GARRE1: variants seen among roughly 807,000 people sequenced by gnomAD.
GARRE1 encodes the protein granule associated Rac and RHOG effector 1, also known as granule associated Rac and RHOG effector protein 1.
GARRE1 carries 49 observed loss-of-function variants against 103.2 expected under a neutral mutation model. That is an observed-to-expected ratio of 0.47 (90% CI 0.38 to 0.60). The LOEUF (loss-of-function observed/expected upper bound fraction) is 0.60, where lower values mean the gene tolerates loss of function less well. Among genes scored for constraint, GARRE1 ranks in the 20% least tolerant of loss-of-function variants. The pLI, the probability that GARRE1 is intolerant of heterozygous loss-of-function variation, is 0.00. For synonymous variants in GARRE1, 505 were observed against 532.8 expected (o/e 0.95, Z 0.72); for missense variants, 1,199 against 1,370.5 (o/e 0.87, Z 1.98).
chr19:34,297,346 A>T (rs190885224), intron 1 of GARRE1, among the ~76,000 whole-genome samples: 1 of 152,340 alleles, frequency 6.6e-6, no homozygotes, highest in African/African-American at 2.4e-5. Flanking sequence ...TTGGTGAAAT[A>T]GTATAACTTT....
chr19:34,284,242 A>C (rs2073873427), intron 1 of GARRE1, among the ~76,000 whole-genome samples: 1 of 147,552 alleles, frequency 6.8e-6, no homozygotes, highest in Non-Finnish European at 1.5e-5. Flanking sequence ...CTCCTGCCTC[A>C]GCCTCCCAAG....
chr19:34,300,368 C>A lies in GARRE1; in HGVS notation c.-106C>A. 7.3e-7 allele frequency: 1 copy of A among 1,378,962 alleles called. No homozygotes were observed. Among genetic ancestry groups the A allele is most frequent in the Non-Finnish European group, 9.7e-7 (1 of 1,028,748 alleles). 85.4% of individuals were successfully genotyped at this position (1,378,962 alleles called of 1,614,324 possible). ...CCTCATGGAAATGCCTTTTTTAAAA[C>A]TTCGATTTGCAGAACTCCACTATTT... On this transcript the variant is annotated 5_prime_UTR_variant, in exon 2 of 14. Coordinates refer to ENST00000299505, the MANE Select transcript of GARRE1 (RefSeq NM_014686.5).
chr19:34,339,817 C>G (rs372625002), intron 8 of GARRE1, 50 bp from the exon 9 acceptor site: 11 of 1,611,860 alleles, frequency 6.8e-6, no homozygotes, highest in Non-Finnish European at 9.3e-6. Flanking sequence ...GCTTGAGACA[C>G]CTTTGCAGAG....
intron 2 of GARRE1, among the ~76,000 whole-genome samples, chr19:34,308,587 A>G (rs984492711): frequency 6.6e-5 from 10 of 152,188 alleles, no homozygotes; most frequent in African/African-American, 2.4e-4. Context: ...GTGGTCAACA[A>G]ACATGATTTA....
At chr19:34,303,641 A>G (rs930998941) in intron 2 of GARRE1, among the ~76,000 whole-genome samples, 6 of 152,150 alleles carry the variant, frequency 3.9e-5, no homozygotes, top group African/African-American at 1.4e-4. Context: ...TTTGAGACGA[A>G]GTTTCATCTT....
At chr19:34,340,639 TCC>T in intron 9 of GARRE1, among the ~76,000 whole-genome samples, 1 of 152,194 alleles carries the variant, frequency 6.6e-6, no homozygotes. Flanking sequence ...CAAGTCATCC[TCC>T]TACCTCAGCC....
At chr19:34,333,068 A>G (rs901868917) in intron 7 of GARRE1, among the ~76,000 whole-genome samples, 2 of 152,088 alleles carry the variant, frequency 1.3e-5, no homozygotes, top group Admixed American at 1.3e-4. Flanking sequence ...TTTGTTTGAG[A>G]TGGAGTCTTG....
chr19:34,344,408 G>A (rs1203496527), intron 10 of GARRE1, among the ~76,000 whole-genome samples: 1 of 151,822 alleles, frequency 6.6e-6, no homozygotes, highest in African/African-American at 2.4e-5. Flanking sequence ...GGCTAAAACG[G>A]TGAAACCCCG....
At chr19:34,332,786 A>G (rs892677063) in intron 7 of GARRE1, among the ~76,000 whole-genome samples, 1 of 152,144 alleles carries the variant, frequency 6.6e-6, no homozygotes, top group Non-Finnish European at 1.5e-5. Flanking sequence ...ATTTTTTAAA[A>G]CATTCTTTTA....
At chr19:34,346,850 T>G (rs544711389) in intron 10 of GARRE1, among the ~76,000 whole-genome samples, 1 of 152,132 alleles carries the variant, frequency 6.6e-6, no homozygotes, top group Non-Finnish European at 1.5e-5. Flanking sequence ...ACTCCTGACC[T>G]CAGGTAATCC....
intron 1 of GARRE1, among the ~76,000 whole-genome samples, chr19:34,289,728 A>G (rs10422090): frequency 6.6e-6 from 1 of 151,848 alleles, no homozygotes; most frequent in Non-Finnish European, 1.5e-5. Flanking sequence ...GTCTCAAAAA[A>G]AAAAATAAAA....
intron 1 of GARRE1, among the ~76,000 whole-genome samples, chr19:34,260,998 A>G (rs1271559560): frequency 6.6e-6 from 1 of 152,224 alleles, no homozygotes; most frequent in Non-Finnish European, 1.5e-5. Flanking sequence ...GGGCCTGACC[A>G]GAGGAGCAGT....
chr19:34,278,272 T>G (rs1477305955), intron 1 of GARRE1, among the ~76,000 whole-genome samples: 1 of 151,686 alleles, frequency 6.6e-6, no homozygotes, highest in African/African-American at 2.4e-5. Flanking sequence ...GGTGAAACCC[T>G]GTCTCTGCTA....
chr19:34,334,696 CAAAAAAA>C (rs201914309), intron 8 of GARRE1, among the ~76,000 whole-genome samples: 9 of 117,568 alleles, frequency 7.7e-5, no homozygotes, highest in Non-Finnish European at 9.9e-5. Flanking sequence ...AAAACTATCT[CAAAAAAA>C]AAAAAAAAGA....
Position 34,353,015 on chromosome 19 carries a change from T to C in GARRE1, c.*60T>C, listed in dbSNP as rs566641470. On this transcript the variant is annotated 3_prime_UTR_variant, in exon 14 of 14. Transcript: ENST00000299505. The stretch of plus-strand genomic sequence containing the variant: ...GCCCGCCCAGAGCTGTGGGGATGAG[T>C]GTCCCCACCCCAGGGCCACTTAGCT... The C allele has an allele frequency of 1.3e-5, 18 of 1,399,576 alleles. No individual in the cohort carries two copies. The East Asian group carries it at 3.8e-4, about 29-fold the overall frequency. 86.7% of individuals were successfully genotyped at this position (1,399,576 alleles called of 1,614,324 possible). A position where few individuals can be genotyped will look rare whatever the true frequency, so the allele number is the denominator to read the frequency against.
intron 6 of GARRE1, 62 bp downstream of exon 6, chr19:34,328,213 A>G (rs2074121366): frequency 1.3e-6 from 2 of 1,562,312 alleles, no homozygotes. Flanking sequence ...CTTAAGAGAA[A>G]TGTAAAGGCT....
At position 34,352,758 on chromosome 19, in the gene GARRE1, A is replaced by C; in HGVS notation, c.3016A>C (p.Ser1006Arg). 6.2e-7 allele frequency: 1 copy of C among 1,614,102 alleles called. No individual in the cohort carries two copies. ...ACTCTATGCAGTCACCAGCCCTGGC[A>C]GCCAGTGGAACGACACCATGCAGAT... ...APLYAVTSPGSQWNDTMQMLQ... is the reference protein window; with the variant it reads ...APLYAVTSPGRQWNDTMQMLQ... Residue 1006 changes from serine to arginine, a missense_variant, in exon 14 of 14, where the codon AGC (serine) becomes CGC (arginine). Coordinates refer to ENST00000299505, the MANE Select transcript of GARRE1 (RefSeq NM_014686.5).
chr19:34,344,683 T>C (rs904903323), intron 10 of GARRE1, among the ~76,000 whole-genome samples: 43 of 151,784 alleles, frequency 2.8e-4, no homozygotes, highest in African/African-American at 9.7e-4. Flanking sequence ...TCCTTTCTCT[T>C]TTTTTTTGAG....
At chr19:34,319,108 G>T (rs1432866177) in intron 2 of GARRE1, among the ~76,000 whole-genome samples, 1 of 152,168 alleles carries the variant, frequency 6.6e-6, no homozygotes, top group Non-Finnish European at 1.5e-5. Flanking sequence ...GGAGCTGTCA[G>T]AACAGCCTTA....
Sources: allele counts gnomAD v4.1 joint callset (sites outside exome capture counted in the v4.1 genomes callset), GRCh38; gene constraint gnomAD v4.1.1; transcripts MANE v1.5; gene names NCBI Gene and HGNC (gene_info 2026-07-23, HGNC 2026-07-21).